The following ACOXL variants were observed in gnomAD, a reference collection of about 807,000 sequenced individuals.
ACOXL encodes the protein acyl-coenzyme A oxidase-like protein.
A neutral mutation model predicts 71.9 loss-of-function variants in ACOXL; 70 were observed. The observed-to-expected ratio is 0.97, with a 90% CI of 0.80 to 1.19. ACOXL has a LOEUF of 1.19. Among genes scored for constraint, ACOXL ranks in the 50% most tolerant of loss-of-function variants. ACOXL has a pLI of 0.00. For synonymous variants in ACOXL, 253 were observed against 281.6 expected, an observed-to-expected ratio of 0.90 and a Z score of 1.02; for missense variants, 703 against 736.3, an observed-to-expected ratio of 0.95 and a Z score of 0.52.
intron 16 of ACOXL, among the ~76,000 whole-genome samples, chr2:111,076,980 G>A (rs1281655083): frequency 6.6e-6 from 1 of 152,112 alleles, no homozygotes. Flanking sequence ...GCATGTGATT[G>A]CATTTAGGAC....
Position 111,028,203 on chromosome 2 carries a change from T to C in ACOXL, c.1282-3424T>C, listed in dbSNP as rs181331452. Among the ~76,000 whole-genome samples the C allele has an allele frequency of 7.5e-4, 114 of 152,012 alleles. 1 individual carries two copies. Among genetic ancestry groups the C allele is most frequent in the Admixed American group, 3.9e-3 (60 of 15,272 alleles). On this transcript the variant is annotated intron_variant, in intron 14 of 17. Transcript: ENST00000439055. ...AGACCCTGTCTCAAAAATAAATAAA[T>C]AAATAAATATTTCTTAAGATTTTTC...
At chr2:110,904,478 C>T (rs967289959) in intron 10 of ACOXL, among the ~76,000 whole-genome samples, 8 of 152,196 alleles carry the variant, frequency 5.3e-5, no homozygotes, top group African/African-American at 1.4e-4. Flanking sequence ...ATATGTCAGG[C>T]CAGGCTGGGG....
At chr2:110,783,994 A>T (rs571360118) in intron 2 of ACOXL, among the ~76,000 whole-genome samples, 9 of 152,340 alleles carry the variant, frequency 5.9e-5, no homozygotes, top group Non-Finnish European at 1.0e-4. Context: ...ACAGTGAGTG[A>T]GGAGAGGGGA....
intron 16 of ACOXL, among the ~76,000 whole-genome samples, chr2:111,068,554 T>A (rs1205696488): frequency 2.0e-5 from 3 of 152,202 alleles, no homozygotes; most frequent in Admixed American, 6.5e-5. Flanking sequence ...GGCTCTGACC[T>A]GCATCCACAT....
intron 15 of ACOXL, among the ~76,000 whole-genome samples, chr2:111,045,614 A>G (rs370296076): frequency 0.041 from 2,502 of 61,014 alleles, 79 homozygotes; most frequent in African/African-American, 0.15. Context: ...ACTCTCAGGT[A>G]TGTCTTTATG....
At chr2:110,929,272 G>C (rs961329190) in intron 11 of ACOXL, among the ~76,000 whole-genome samples, 4 of 152,140 alleles carry the variant, frequency 2.6e-5, no homozygotes, top group Non-Finnish European at 5.9e-5. Flanking sequence ...AGAATTTGTT[G>C]GGAACTGGAG....
At position 110,969,795 on chromosome 2, in the gene ACOXL, A is replaced by G. The variant is rs187764497; in HGVS notation, c.1060-17313A>G. ...CACTGCATTCCAGCCTGGGCGACAG[A>G]GTGAGACTTTGTCTCAAAAAAAAAG... On this transcript the variant is annotated intron_variant, in intron 12 of 17. Coordinates refer to ENST00000439055, the MANE Select transcript of ACOXL (RefSeq NM_001142807.4). Among the ~76,000 whole-genome samples the G allele has an allele frequency of 1.2e-3, 186 of 149,450 alleles. 6 individuals are homozygous for G. The East Asian group carries it at 0.033, about 26-fold the overall frequency.
intron 11 of ACOXL, among the ~76,000 whole-genome samples, chr2:110,929,827 T>C (rs2060414965): frequency 6.6e-6 from 1 of 152,218 alleles, no homozygotes; most frequent in Non-Finnish European, 1.5e-5. Context: ...CCCCAAGTCT[T>C]GGCAGCTTCC....
At chr2:110,816,800 T>C (rs1262251033) in intron 9 of ACOXL, among the ~76,000 whole-genome samples, 1 of 152,188 alleles carries the variant, frequency 6.6e-6, no homozygotes, top group Non-Finnish European at 1.5e-5. Context: ...GAGAAATGAA[T>C]CTTTTACTCC....
At chr2:111,079,606 G>A (rs1472510777) in intron 16 of ACOXL, among the ~76,000 whole-genome samples, 1 of 152,118 alleles carries the variant, frequency 6.6e-6, no homozygotes, top group Non-Finnish European at 1.5e-5. Flanking sequence ...AGCAGCATGA[G>A]GAAAAAGAGT....
intron 10 of ACOXL, 43 bp from the exon 11 acceptor site, chr2:110,908,746 C>T (rs375268687): frequency 2.9e-5 from 44 of 1,512,220 alleles, no homozygotes; most frequent in Non-Finnish European, 3.6e-5. Context: ...TTACCTCCCG[C>T]TCCTGGATTT....
intron 3 of ACOXL, among the ~76,000 whole-genome samples, chr2:110,787,567 A>G (rs1440750626): frequency 6.6e-6 from 1 of 151,832 alleles, no homozygotes. Context: ...AAGAAAAAAA[A>G]GAAATACTTC....
At chr2:110,752,488 T>C (rs907148789) in intron 1 of ACOXL, among the ~76,000 whole-genome samples, 7 of 150,984 alleles carry the variant, frequency 4.6e-5, no homozygotes, top group South Asian at 2.1e-4. Flanking sequence ...AAATAATTTA[T>C]GAAGTTATAA....
intron 12 of ACOXL, among the ~76,000 whole-genome samples, chr2:110,977,404 AC>A (rs1454487196): frequency 6.7e-6 from 1 of 149,122 alleles, no homozygotes; most frequent in Admixed American, 6.8e-5. Flanking sequence ...AAGAAAAAAC[AC>A]AAAAAACTTC....
intron 16 of ACOXL, among the ~76,000 whole-genome samples, chr2:111,051,595 A>G (rs367735132): frequency 3.3e-5 from 5 of 152,106 alleles, no homozygotes; most frequent in African/African-American, 1.2e-4. Context: ...CAGCCTCCCC[A>G]CTAGTTGGGA....
chr2:110,738,578 T>C (rs1051229409), intron 1 of ACOXL, among the ~76,000 whole-genome samples: 2 of 152,234 alleles, frequency 1.3e-5, no homozygotes, highest in Non-Finnish European at 2.9e-5. Flanking sequence ...TGACCCTTTC[T>C]GCACCTTGAT....
At chr2:110,881,131 A>G (rs1191153486) in intron 10 of ACOXL, among the ~76,000 whole-genome samples, 1 of 151,472 alleles carries the variant, frequency 6.6e-6, no homozygotes, top group African/African-American at 2.4e-5. Context: ...TGAACAGTTC[A>G]TATATATATA....
intron 15 of ACOXL, among the ~76,000 whole-genome samples, chr2:111,048,262 T>C (rs1053899879): frequency 1.3e-5 from 2 of 152,232 alleles, no homozygotes; most frequent in South Asian, 4.1e-4. Flanking sequence ...GACTGAGTTT[T>C]GCTCTACTCA....
At chr2:110,902,886 C>A (rs2059295765) in intron 10 of ACOXL, among the ~76,000 whole-genome samples, 1 of 152,178 alleles carries the variant, frequency 6.6e-6, no homozygotes, top group Non-Finnish European at 1.5e-5. Context: ...CAGGCACTTA[C>A]AAGCTCTCTT....
Sources: allele counts gnomAD v4.1 joint callset (sites outside exome capture counted in the v4.1 genomes callset), GRCh38; gene constraint gnomAD v4.1.1; transcripts MANE v1.5; gene names NCBI Gene and HGNC (gene_info 2026-07-23, HGNC 2026-07-21).